Variants in MSR1 observed in about 807,000 individuals in gnomAD.
MSR1 encodes macrophage scavenger receptor types I and II.
MSR1 carries 53 observed loss-of-function variants against 47.2 expected under a neutral mutation model. That is an observed-to-expected ratio of 1.12 (90% CI 0.90 to 1.41). The LOEUF is 1.41. Ranked by LOEUF, MSR1 falls within the 40% of genes most tolerant of loss-of-function variation. The pLI is 0.00. For synonymous variants in MSR1, 239 were observed against 185.6 expected, an observed-to-expected ratio of 1.29 and a Z score of -2.34; for missense variants, 786 against 546.9, an observed-to-expected ratio of 1.44 and a Z score of -4.36.
intron 8 of MSR1, chr8:16,140,057 C>T (rs1563148306): frequency 2.3e-6 from 2 of 886,930 alleles, no homozygotes; most frequent in Non-Finnish European, 2.7e-6. Flanking sequence ...ATGTCCAGCT[C>T]ATGGAGGTAC....
chr8:16,146,973 G>A (rs910475934), intron 7 of MSR1, among the ~76,000 whole-genome samples: 2 of 152,266 alleles, frequency 1.3e-5, no homozygotes, highest in East Asian at 1.9e-4. Flanking sequence ...TACATATGGT[G>A]TAATATTTTA....
intron 1 of MSR1, among the ~76,000 whole-genome samples, chr8:16,190,588 T>C (rs544532113): frequency 2.6e-5 from 4 of 152,312 alleles, no homozygotes; most frequent in African/African-American, 9.6e-5. Flanking sequence ...CACAGGTTTC[T>C]TTTACCTAAG....
intron 8 of MSR1, among the ~76,000 whole-genome samples, chr8:16,121,815 G>C (rs1024962393): frequency 6.6e-6 from 1 of 151,600 alleles, no homozygotes; most frequent in African/African-American, 2.4e-5. Context: ...TGGGTTTTTG[G>C]AGCTCAATTA....
chr8:16,165,009 C>A (rs1054801684), intron 4 of MSR1, among the ~76,000 whole-genome samples: 1 of 151,930 alleles, frequency 6.6e-6, no homozygotes, highest in African/African-American at 2.4e-5. Flanking sequence ...GGAATTGAAT[C>A]TATTTCTCAA....
At position 16,129,369 on chromosome 8, in the gene MSR1, G is replaced by A. The variant is rs140758253; in HGVS notation, c.1034-8763C>T. On this transcript the variant is annotated intron_variant, in intron 8 of 9. Coordinates refer to ENST00000262101, the MANE Select transcript of MSR1 (RefSeq NM_138715.3). ...GCATCCGGGAAAGGATTAAGAGTCTGTAGGCTAAGCCATAATGGGGGAATT... is the reference window on the plus strand; with the variant it reads ...GCATCCGGGAAAGGATTAAGAGTCTATAGGCTAAGCCATAATGGGGGAATT... 4.1e-3 allele frequency among the ~76,000 whole-genome samples: 617 copies of A among 152,222 alleles called. 5 individuals carry two copies. Among genetic ancestry groups the A allele is most frequent in the Non-Finnish European group, 7.2e-3 (490 of 67,990 alleles).
chr8:16,161,594 T>C (rs1279801597), intron 5 of MSR1, among the ~76,000 whole-genome samples: 1 of 152,026 alleles, frequency 6.6e-6, no homozygotes. Flanking sequence ...TACCTAGATG[T>C]TCCCCTATCT....
chr8:16,161,211 C>A (rs1238502430), intron 5 of MSR1, among the ~76,000 whole-genome samples: 3 of 151,464 alleles, frequency 2.0e-5, no homozygotes, highest in African/African-American at 7.3e-5. Context: ...GTAGGACTTA[C>A]AAATGGATTA....
chr8:16,120,747 T>C, intron 8 of MSR1, 141 bp from the exon 9 acceptor site: 9 of 1,077,850 alleles, frequency 8.3e-6, no homozygotes, highest in Non-Finnish European at 1.2e-5. Flanking sequence ...TTGGAATAAA[T>C]ATTAAACTTT....
In MSR1 at chr8:16,110,165, T is replaced by C; in HGVS notation, c.1276A>G (p.Ile426Val). Residue 426 changes from isoleucine (I) to valine (V), a missense_variant, in exon 10 of 10, where the codon ATT becomes GTT. Physicochemically the swap from Ile to Val is conservative, Grantham distance 29. Transcript: ENST00000262101. ...CATTGCCGAATTTTACATTCTTCAA[T>C]AGATGATTCTCTCCCAAAACAAAAC... The part of the protein sequence containing the change: ...EVFCFGRESS[I>V]EECKIRQWGT... The C allele has an allele frequency of 6.2e-7, 1 of 1,613,694 alleles. No individual in the cohort carries two copies. The highest frequency in any genetic ancestry group is 8.5e-7 in the Non-Finnish European group (1 of 1,179,702).
chr8:16,144,905 G>C (rs1417850058), intron 7 of MSR1, among the ~76,000 whole-genome samples: 1 of 151,620 alleles, frequency 6.6e-6, no homozygotes, highest in Non-Finnish European at 1.5e-5. Context: ...ATTTATTTTT[G>C]ATTTCTCTAG....
chr8:16,155,208 G>T lies in MSR1; in HGVS notation c.818-64C>A. 4 of 1,182,542 alleles carry T rather than the reference G, an allele frequency of 3.4e-6. 1 individual carries two copies. In the South Asian group the frequency reaches 5.0e-5, roughly 15 times the overall value. 73.3% of individuals were successfully genotyped at this position (1,182,542 alleles called of 1,614,324 possible). A position where few individuals can be genotyped will look rare whatever the true frequency, so the allele number is the denominator to read the frequency against. On this transcript the variant is annotated intron_variant, in intron 5 of 9. Transcript: ENST00000262101. ...CATAGGAAAAATGGGTTAGTCATCT[G>T]TCAAGGTACTTATATAAGGAAATCC...
At chr8:16,189,609 TC>T (rs1802127516) in intron 1 of MSR1, among the ~76,000 whole-genome samples, 1 of 78,746 alleles carries the variant, frequency 1.3e-5, no homozygotes, top group Admixed American at 2.1e-4. Context: ...ATATATAAAA[TC>T]TTATTTTATA....
In MSR1 at chr8:16,183,812, A is replaced by C. The variant is rs1801912798; in HGVS notation, c.-4-5820T>G. Among the ~76,000 whole-genome samples the C allele has an allele frequency of 2.1e-5, 3 of 143,618 alleles. No individual in the cohort carries two copies. In the Admixed American group the frequency reaches 2.2e-4, roughly 10 times the overall value. 94.2% of individuals were successfully genotyped at this position (143,618 alleles called of 152,430 possible). A position where few individuals can be genotyped will look rare whatever the true frequency, so the allele number is the denominator to read the frequency against. ...TATTATATATTATATTAGTTGGCAA[A>C]TATATTATATATTATATATTTTATA... On this transcript the variant is annotated intron_variant, in intron 1 of 9. Transcript: ENST00000262101.
intron 8 of MSR1, among the ~76,000 whole-genome samples, chr8:16,122,100 A>C (rs974369745): frequency 1.3e-5 from 2 of 152,146 alleles, no homozygotes; most frequent in Non-Finnish European, 2.9e-5. Context: ...TTCTTCCAAA[A>C]TATAATTCAG....
intron 5 of MSR1, among the ~76,000 whole-genome samples, chr8:16,156,646 C>T (rs1299826568): frequency 6.6e-6 from 1 of 151,666 alleles, no homozygotes; most frequent in Non-Finnish European, 1.5e-5. Context: ...GAATATAATT[C>T]GTAGTTGTGT....
intron 8 of MSR1, among the ~76,000 whole-genome samples, chr8:16,129,212 G>A (rs900848002): frequency 6.6e-6 from 1 of 152,032 alleles, no homozygotes; most frequent in African/African-American, 2.4e-5. Flanking sequence ...ATTAGGAAAT[G>A]GGTCATTTTG....
intron 6 of MSR1, 63 bp downstream of exon 6, chr8:16,155,001 A>C (rs940232518): frequency 4.4e-6 from 6 of 1,361,798 alleles, no homozygotes; most frequent in Non-Finnish European, 6.3e-6. Flanking sequence ...TCCCCTACAC[A>C]TGTACCTGGA....
Position 16,110,059 on chromosome 8 carries a change from A to G in MSR1, c.*26T>C, listed in dbSNP as rs1053069122. On this transcript the variant is annotated 3_prime_UTR_variant, in exon 10 of 10. Coordinates refer to ENST00000262101, the MANE Select transcript of MSR1 (RefSeq NM_138715.3). ...AAAATCATTTTTGAGCAGCGATTTC[A>G]TAGTTGTGAATGAAAATATGATGCA... 1 of 1,612,916 alleles carries G rather than the reference A, an allele frequency of 6.2e-7. No homozygotes were observed.
chr8:16,146,211 C>T (rs560655734), intron 7 of MSR1, among the ~76,000 whole-genome samples: 125 of 152,136 alleles, frequency 8.2e-4, no homozygotes, highest in African/African-American at 2.9e-3. Flanking sequence ...ATCCTCTCTC[C>T]TAAGCCTTGT....
Sources: gnomAD v4.1 joint callset for allele counts (sites outside exome capture counted in the v4.1 genomes callset) on GRCh38, gnomAD v4.1.1 for gene constraint, MANE v1.5 for transcripts, NCBI Gene and HGNC (gene_info 2026-07-23, HGNC 2026-07-21) for gene names.